UVRAG: variants seen among roughly 807,000 people sequenced by gnomAD.
UVRAG encodes UV radiation resistance-associated gene protein.
UVRAG carries 19 observed loss-of-function variants against 78.0 expected under a neutral mutation model. The ratio of observed to expected loss-of-function variants is 0.24; its 90% CI spans 0.17 to 0.36. UVRAG has a LOEUF of 0.36. Ranked by LOEUF, UVRAG falls within the 10% of genes least tolerant of loss-of-function variation. The probability of loss-of-function intolerance (pLI) is 1.00; values close to 1 mark genes in which losing one functional copy is unlikely to be tolerated. For synonymous variants in UVRAG, 323 were observed against 324.6 expected, an observed-to-expected ratio of 1.00 and a Z score of 0.05; for missense variants, 740 against 853.8, an observed-to-expected ratio of 0.87 and a Z score of 1.66.
chr11:76,137,518 AAAT>A, intron 14 of UVRAG: 1 of 454,290 alleles, frequency 2.2e-6, no homozygotes, highest in South Asian at 1.6e-5. Context: ...TGGAGGGAAA[AAAT>A]GTGGTGATAA....
intron 13 of UVRAG, among the ~76,000 whole-genome samples, chr11:76,089,941 C>G (rs952403926): frequency 1.3e-5 from 2 of 152,082 alleles, no homozygotes; most frequent in Non-Finnish European, 2.9e-5. Context: ...TGGAGAAACC[C>G]TAAAAACTGA....
chr11:75,949,723 A>ATG (rs1290897887), intron 6 of UVRAG, among the ~76,000 whole-genome samples: 18 of 148,872 alleles, frequency 1.2e-4, no homozygotes, highest in African/African-American at 4.5e-4. Context: ...ATACACACAC[A>ATG]CACACACATA....
intron 1 of UVRAG, among the ~76,000 whole-genome samples, chr11:75,817,717 G>C (rs992736853): frequency 6.6e-6 from 1 of 151,906 alleles, no homozygotes; most frequent in Non-Finnish European, 1.5e-5. Flanking sequence ...GTCACCAAGG[G>C]AACAGTTATG....
In UVRAG at chr11:75,986,443, AGTAATTGTTAAT is replaced by A. The variant is rs1190349746; in HGVS notation, c.826+2933_826+2944del. Among the ~76,000 whole-genome samples the A allele has an allele frequency of 2.0e-5, 3 of 152,278 alleles. No homozygotes were observed. In the East Asian group the frequency reaches 5.8e-4, roughly 29 times the overall value. On this transcript the variant is annotated intron_variant, in intron 8 of 14. Transcript: ENST00000356136. ...TCACCGGAAGCCTTATAGACAGATTAGTAATTGTTAATGTTACAGTTACAGCCCTGCAGCTGC... is the reference window on the plus strand; with the variant it reads ...TCACCGGAAGCCTTATAGACAGATTAGTTACAGTTACAGCCCTGCAGCTGC...
At chr11:75,824,971 C>A (rs1945480051) in intron 1 of UVRAG, among the ~76,000 whole-genome samples, 1 of 151,998 alleles carries the variant, frequency 6.6e-6, no homozygotes, top group South Asian at 2.1e-4. Context: ...GCGCGCCCGG[C>A]CAAGTTTGTC....
At chr11:76,007,356 A>G (rs181415779) in intron 9 of UVRAG, among the ~76,000 whole-genome samples, 178 bp from the exon 10 acceptor site, 1 of 152,220 alleles carries the variant, frequency 6.6e-6, no homozygotes, top group Admixed American at 6.5e-5. Context: ...AGCTTGATTG[A>G]TACTATTTGG....
intron 1 of UVRAG, among the ~76,000 whole-genome samples, chr11:75,817,489 C>G (rs1272303936): frequency 6.6e-6 from 1 of 152,062 alleles, no homozygotes; most frequent in Non-Finnish European, 1.5e-5. Context: ...ATATGAGTGC[C>G]GAGTATGCTA....
chr11:75,985,488 C>T (rs1230270447), intron 8 of UVRAG, among the ~76,000 whole-genome samples: 2 of 151,960 alleles, frequency 1.3e-5, no homozygotes, highest in African/African-American at 4.8e-5. Flanking sequence ...AATATATTCT[C>T]CCATTCTGTG....
chr11:76,062,322 G>A (rs530394663), intron 12 of UVRAG, among the ~76,000 whole-genome samples: 1 of 152,196 alleles, frequency 6.6e-6, no homozygotes, highest in East Asian at 1.9e-4. Context: ...CTTTTTGGAG[G>A]CCGCCGTGTA....
intron 8 of UVRAG, among the ~76,000 whole-genome samples, chr11:75,999,670 T>G (rs867005187): frequency 2.6e-5 from 4 of 152,102 alleles, no homozygotes; most frequent in Admixed American, 2.0e-4. Context: ...TGAGCCACCG[T>G]GCCCAGCCAT....
At chr11:75,949,377 C>T (rs577225448) in intron 6 of UVRAG, among the ~76,000 whole-genome samples, 3 of 152,128 alleles carry the variant, frequency 2.0e-5, no homozygotes, top group African/African-American at 7.2e-5. Context: ...CTCTCATTCT[C>T]GCAGTCTTCA....
chr11:76,130,836 G>C (rs530808729), intron 14 of UVRAG, among the ~76,000 whole-genome samples: 70 of 152,168 alleles, frequency 4.6e-4, no homozygotes, highest in Non-Finnish European at 7.4e-4. Context: ...CTCTGACCAG[G>C]GTTTTAATTT....
intron 1 of UVRAG, among the ~76,000 whole-genome samples, chr11:75,832,260 C>G (rs1417091850): frequency 6.6e-6 from 1 of 152,190 alleles, no homozygotes; most frequent in Non-Finnish European, 1.5e-5. Context: ...TTATGACCTA[C>G]AAGTTAAGGG....
At chr11:75,936,634 T>C (rs1447369078) in intron 6 of UVRAG, among the ~76,000 whole-genome samples, 1 of 152,192 alleles carries the variant, frequency 6.6e-6, no homozygotes, top group Non-Finnish European at 1.5e-5. Flanking sequence ...ACTCTTTGAG[T>C]ATGTCCTTAC....
intron 3 of UVRAG, among the ~76,000 whole-genome samples, chr11:75,870,414 A>G (rs1017633681): frequency 1.9e-4 from 29 of 152,222 alleles, no homozygotes; most frequent in African/African-American, 6.0e-4. Flanking sequence ...AAGAGTATCT[A>G]TCCCTCTTCC....
intron 7 of UVRAG, among the ~76,000 whole-genome samples, chr11:75,969,804 A>G (rs928569429): frequency 6.6e-6 from 1 of 152,180 alleles, no homozygotes; most frequent in Non-Finnish European, 1.5e-5. Flanking sequence ...ATCGTTGTCC[A>G]TGCCCGTTGC....
intron 6 of UVRAG, among the ~76,000 whole-genome samples, chr11:75,927,122 T>G (rs1352830656): frequency 6.6e-6 from 1 of 151,468 alleles, no homozygotes; most frequent in Non-Finnish European, 1.5e-5. Context: ...CAGGCTGCAG[T>G]GCAGTGGCGC....
chr11:75,894,893 C>G (rs1387708173), intron 5 of UVRAG, among the ~76,000 whole-genome samples: 1 of 150,094 alleles, frequency 6.7e-6, no homozygotes, highest in Non-Finnish European at 1.5e-5. Flanking sequence ...AAAGCTTTGT[C>G]AACTTGGTAG....
intron 4 of UVRAG, among the ~76,000 whole-genome samples, chr11:75,880,941 T>C (rs1946932138): frequency 7.4e-6 from 1 of 135,292 alleles, no homozygotes; most frequent in Admixed American, 7.1e-5. Flanking sequence ...TTTTTTTTTT[T>C]TTTTTTTTTT....
Sources: allele counts gnomAD v4.1 joint callset (sites outside exome capture counted in the v4.1 genomes callset), GRCh38; gene constraint gnomAD v4.1.1; transcripts MANE v1.5; gene names NCBI Gene and HGNC (gene_info 2026-07-23, HGNC 2026-07-21).